GRIN3B: variants seen among roughly 807,000 people sequenced by gnomAD.
GRIN3B encodes the protein glutamate receptor ionotropic, NMDA 3B.
In GRIN3B, 77 loss-of-function variants were observed where a neutral mutation model predicts 66.0. That is an observed-to-expected ratio of 1.17 (90% confidence interval 0.97 to 1.41). GRIN3B has a LOEUF of 1.41. Ranked by LOEUF, GRIN3B falls within the 40% of genes most tolerant of loss-of-function variation. The pLI, the probability that GRIN3B is intolerant of heterozygous loss-of-function variation, is 0.00. For synonymous variants in GRIN3B, 823 were observed against 749.7 expected (o/e 1.10, Z -1.60); for missense variants, 1,787 against 1,564.5 (o/e 1.14, Z -2.40).
intron 1 of GRIN3B, 117 bp downstream of exon 1, chr19:1,000,980 C>A: frequency 8.8e-7 from 1 of 1,137,002 alleles, no homozygotes; most frequent in Non-Finnish European, 1.1e-6. Flanking sequence ...GAAGGGGGAT[C>A]CCGGGACGCT....
Position 1,005,675 on chromosome 19 carries a change from CAA to C in GRIN3B, c.2052+123_2052+124del. Reference sequence around the variant, plus strand: ...ACGTCCACTAGGCCAACTCTGGTCCCAAGAGACATTTATTCAATTAATTTATT... The same window carrying C: ...ACGTCCACTAGGCCAACTCTGGTCCCGAGACATTTATTCAATTAATTTATT... On this transcript the variant is annotated intron_variant, in intron 3 of 8. Transcript: ENST00000234389. The surrounding 1 kb of genome is among the most constrained non-coding windows in gnomAD (Gnocchi z 5.2). 2.8e-6 allele frequency: 2 copies of C among 718,004 alleles called. No individual in the cohort carries two copies. The highest frequency in any genetic ancestry group is 4.5e-6 in the Non-Finnish European group (2 of 446,298). The allele number at this position is 718,004 out of a possible 1,614,324, so 44.5% of individuals were successfully genotyped here.
In GRIN3B at chr19:1,003,515, C is replaced by G. The variant is rs947877973; in HGVS notation, c.812C>G (p.Thr271Ser). Residue 271 changes from threonine (T) to serine (S), a missense_variant, in exon 2 of 9, where the codon ACC (threonine) becomes AGC (serine). Transcript: ENST00000234389. ...GTPLPPKALP[T>S]AGLPPGLLAL... is the part of the protein sequence containing the mutation. ...CCACTGCCGCCCAAGGCCCTGCCCA[C>G]CGCGGGGCTGCCACCAGGGCTGCTG... is the stretch of plus-strand genomic sequence containing the variant. 6.5e-7 allele frequency: 1 copy of G among 1,531,970 alleles called. No individual in the cohort carries two copies. The allele number at this position is 1,531,970 out of a possible 1,614,324, so 94.9% of individuals were successfully genotyped here.
Position 1,007,070 on chromosome 19 carries a change from G to T in GRIN3B, c.2053-558G>T, listed in dbSNP as rs1435722496. On this transcript the variant is annotated intron_variant, in intron 3 of 8. Transcript: ENST00000234389. This position sits in a 1 kb window ranked among gnomAD's most constrained non-coding sequence, Gnocchi z 4.4. ...CCTGGGCTGGTCGAGGATGTTGATG[G>T]GGAAGGAGGCTGGGTTCGACGCTGG... Among the ~76,000 whole-genome samples the T allele has an allele frequency of 1.3e-5, 2 of 152,198 alleles. No homozygotes were observed. Among genetic ancestry groups the T allele is most frequent in the African/African-American group, 4.8e-5 (2 of 41,440 alleles).
chr19:1,002,987 G>C (rs531059930), intron 1 of GRIN3B, 143 bp from the exon 2 acceptor site: 1 of 561,090 alleles, frequency 1.8e-6, no homozygotes, highest in Non-Finnish European at 3.1e-6. Flanking sequence ...GAAGGGTTTA[G>C]AGCAGGGCTG....
chr19:1,006,601 G>A (rs935082553), intron 3 of GRIN3B, among the ~76,000 whole-genome samples: 2 of 152,090 alleles, frequency 1.3e-5, no homozygotes, highest in Non-Finnish European at 2.9e-5. Context: ...CATCGTGCCC[G>A]GCCTCCCCTT....
rs1199763457 is a variant in GRIN3B, at chr19:1,007,774, G to A, written c.2198+1G>A. The stretch of plus-strand genomic sequence containing the variant: ...CGCCCCGCGGCGTCGCCATGCTCAC[G>A]TGAGCCCGGGCGCGGGGTGAGGCGG... On this transcript the variant is annotated splice_donor_variant, in intron 4 of 8. Coordinates refer to ENST00000234389, the MANE Select transcript of GRIN3B (RefSeq NM_138690.3). LOFTEE classifies it high-confidence loss of function. This position sits in a 1 kb window ranked among gnomAD's most constrained non-coding sequence, Gnocchi z 4.4. 1 of 1,516,508 alleles carries A rather than the reference G, an allele frequency of 6.6e-7. No homozygotes were observed. Among genetic ancestry groups the A allele is most frequent in the South Asian group, 1.2e-5 (1 of 80,282 alleles). The allele number at this position is 1,516,508 out of a possible 1,614,324, so 93.9% of individuals were successfully genotyped here.
Position 1,008,742 on chromosome 19 carries a change from G to A in GRIN3B, c.2591G>A (p.Arg864His), listed in dbSNP as rs1468054301. The part of the protein sequence containing the change: ...AFFRLALPRI[R>H]KGSRLQYWLH... ...TTCCGCCTGGCGCTGCCGCGCATCC[G>A]CAAGGGGAGCAGGCTGCAGTACTGG... The change falls in exon 7 of 9, where the codon CGC becomes CAC. Residue 864 changes from arginine (R) to histidine (H), a missense_variant. Physicochemically the swap from Arg to His is conservative, Grantham distance 29. Coordinates refer to ENST00000234389, the MANE Select transcript of GRIN3B (RefSeq NM_138690.3). 1.9e-6 allele frequency: 3 copies of A among 1,607,070 alleles called. No homozygotes were observed. The highest frequency in any genetic ancestry group is 2.5e-6 in the Non-Finnish European group (3 of 1,177,528).
At position 1,004,505 on chromosome 19, in the gene GRIN3B, C is replaced by A. The variant is rs372886298; in HGVS notation, c.1020-16C>A. ...GTGAACTTCGACACCTGACACCCCCCCCGCCCTGCCCCTAGGTTCCTGGCC... is the reference window on the plus strand; with the variant it reads ...GTGAACTTCGACACCTGACACCCCCACCGCCCTGCCCCTAGGTTCCTGGCC... On this transcript the variant is annotated splice_polypyrimidine_tract_variant and intron_variant, in intron 2 of 8. Transcript: ENST00000234389. The A allele has an allele frequency of 5.8e-6, 9 of 1,558,878 alleles. No individual in the cohort carries two copies. Among genetic ancestry groups the A allele is most frequent in the Non-Finnish European group, 7.8e-6 (9 of 1,148,464 alleles).
Position 1,000,580 on chromosome 19 carries a change from T to TCGTCCG in GRIN3B, c.145_146insTCCGCG (p.Leu48_Ala49insValArg), listed in dbSNP as rs1049101165. On this transcript the variant is annotated inframe_insertion, in exon 1 of 9. Coordinates refer to ENST00000234389, the MANE Select transcript of GRIN3B (RefSeq NM_138690.3). Reference sequence around the variant, plus strand: ...GGCGCCCTCCTGCCCCGCGCGCCTCTCGCCCGCGCCCGCGCCCGCGCCGCC... The same window carrying TCGTCCG: ...GGCGCCCTCCTGCCCCGCGCGCCTCTCGTCCGCGCCCGCGCCCGCGCCCGCGCCGCC... 1 of 1,027,702 alleles carries TCGTCCG rather than the reference T, an allele frequency of 9.7e-7. No individual in the cohort carries two copies. Among genetic ancestry groups the TCGTCCG allele is most frequent in the Admixed American group, 5.8e-5 (1 of 17,160 alleles). 63.7% of individuals were successfully genotyped at this position (1,027,702 alleles called of 1,614,324 possible). A position where few individuals can be genotyped will look rare whatever the true frequency, so the allele number is the denominator to read the frequency against.
rs1472730869 is a variant in GRIN3B, at chr19:1,009,441, G to C, written c.2971G>C (p.Glu991Gln). Reference sequence around the variant, plus strand: ...GCTGCAGGAGCTGGAGCGCCGCATCGAAGTCGCGCGTGAGCGGCTCCGCCA... The same window carrying C: ...GCTGCAGGAGCTGGAGCGCCGCATCCAAGTCGCGCGTGAGCGGCTCCGCCA... ...GELQELERRI[E>Q]VARERLRQAL... The change falls in exon 9 of 9, where the codon GAA (glutamate) becomes CAA (glutamine). Residue 991 changes from glutamate to glutamine, a missense_variant. Physicochemically the swap from Glu to Gln is conservative, Grantham distance 29 (BLOSUM62 2). Transcript: ENST00000234389. 2 of 1,463,406 alleles carry C rather than the reference G, an allele frequency of 1.4e-6. No individual in the cohort carries two copies. The highest frequency in any genetic ancestry group is 2.5e-5 in the Admixed American group (1 of 40,306). 90.7% of individuals were successfully genotyped at this position (1,463,406 alleles called of 1,614,324 possible).
rs766363768 is a variant in GRIN3B, at chr19:1,004,911, T to C, written c.1410T>C (p.Arg470=). The change falls in exon 3 of 9, where the codon CGT becomes CGC. Residue 470 remains arginine, a synonymous_variant. Coordinates refer to ENST00000234389, the MANE Select transcript of GRIN3B (RefSeq NM_138690.3). ...CGCTGGCCAACGGCTCAGCGCCCCGTGCCCTGCGCAAGTGCTGCTACGGCT... is the reference window on the plus strand; with the variant it reads ...CGCTGGCCAACGGCTCAGCGCCCCGCGCCCTGCGCAAGTGCTGCTACGGCT... ...FAALANGSAP[R]ALRKCCYGYC... is the part of the protein sequence containing the mutation. The C allele has an allele frequency of 2.5e-6, 4 of 1,611,554 alleles. No individual in the cohort carries two copies. The South Asian group carries it at 4.4e-5, about 18-fold the overall frequency.
chr19:1,007,897 C>T lies in GRIN3B; in HGVS notation c.2240C>T (p.Ser747Leu), dbSNP rs146031397. The change falls in exon 5 of 9, where the codon TCG becomes TTG. Residue 747 changes from serine (S) to leucine (L), a missense_variant. Transcript: ENST00000234389. This position sits in a 1 kb window ranked among gnomAD's most constrained non-coding sequence, Gnocchi z 4.4. Reference protein sequence around the residue: ...PKLNAFIMDKSLLDYEVSIDA... With the variant: ...PKLNAFIMDKLLLDYEVSIDA... ...CTCAACGCCTTCATCATGGACAAGT[C>T]GCTCCTGGACTACGAGGTCTCCATC... 670 of 1,611,876 alleles carry T rather than the reference C, an allele frequency of 4.2e-4. 1 individual carries two copies. The African/African-American group carries it at 8.1e-3, about 19-fold the overall frequency.
In GRIN3B at chr19:1,003,405, G is replaced by A. The variant is rs201713033; in HGVS notation, c.702G>A (p.Ala234=). 12 of 1,552,952 alleles carry A rather than the reference G, an allele frequency of 7.7e-6. No homozygotes were observed. The highest frequency in any genetic ancestry group is 1.7e-4 in the Middle Eastern group (1 of 5,972). ...TGGGGGGTGAAGCACCGGTACCCGC[G>A]GCGGTCCTCCTCGGCTGTGACATCG... ...APVGGEAPVP[A]AVLLGCDIAR... Residue 234 remains alanine (A), a synonymous_variant, in exon 2 of 9, where the codon GCG becomes GCA. Coordinates refer to ENST00000234389, the MANE Select transcript of GRIN3B (RefSeq NM_138690.3).
Position 1,009,472 on chromosome 19 carries a change from T to TGGTGC in GRIN3B, c.3005_3009dup (p.Arg1004CysfsTer83). 5 of 1,484,266 alleles carry TGGTGC rather than the reference T, an allele frequency of 3.4e-6. No homozygotes were observed. In the South Asian group the frequency reaches 6.4e-5, roughly 19 times the overall value. The allele number at this position is 1,484,266 out of a possible 1,614,324, so 91.9% of individuals were successfully genotyped here. A position where few individuals can be genotyped will look rare whatever the true frequency, so the allele number is the denominator to read the frequency against. ...GCGCGTGAGCGGCTCCGCCAGGCCC[T>TGGTGC]GGTGCGGCGCGGCCAGCTCCTGGCA... On this transcript the variant is annotated frameshift_variant, in exon 9 of 9. Transcript: ENST00000234389. LOFTEE classifies it low-confidence loss of function (END_TRUNC).
chr19:1,008,471 C>G, intron 6 of GRIN3B, 147 bp from the exon 7 acceptor site: 2 of 1,053,618 alleles, frequency 1.9e-6, no homozygotes, highest in Non-Finnish European at 2.7e-6. Context: ...AAACCTCACT[C>G]CCCCCAGCCA....
intron 1 of GRIN3B, chr19:1,002,573 A>G (rs574937489): frequency 1.3e-5 from 2 of 152,072 alleles, no homozygotes; most frequent in Non-Finnish European, 2.9e-5. Flanking sequence ...TGTGAAGGGG[A>G]TGCTAGGGGA....
At position 1,008,843 on chromosome 19, in the gene GRIN3B, G is replaced by A. The variant is rs1429049309; in HGVS notation, c.2632-14G>A. ...CCCCGCCTCCTCGCCAACCGGGTCT[G>A]TCTGGGGTCTTAGAAAATCCACCGC... On this transcript the variant is annotated splice_polypyrimidine_tract_variant and intron_variant, in intron 7 of 8. Coordinates refer to ENST00000234389, the MANE Select transcript of GRIN3B (RefSeq NM_138690.3). 6.2e-7 allele frequency: 1 copy of A among 1,603,762 alleles called. No homozygotes were observed. Among genetic ancestry groups the A allele is most frequent in the Non-Finnish European group, 8.5e-7 (1 of 1,175,550 alleles).
Position 1,009,655 on chromosome 19 carries a change from C to G in GRIN3B, c.*53C>G. ...GACACACACACAGCGCAGTGAGCCG[C>G]TGTCAACAGACAGTTTATTCTATAT... is the stretch of plus-strand genomic sequence containing the variant. On this transcript the variant is annotated 3_prime_UTR_variant, in exon 9 of 9. Transcript: ENST00000234389. 7.7e-7 allele frequency: 1 copy of G among 1,303,052 alleles called. No homozygotes were observed. The allele number at this position is 1,303,052 out of a possible 1,614,324, so 80.7% of individuals were successfully genotyped here.
In GRIN3B at chr19:1,000,800, G is replaced by A; in HGVS notation, c.363G>A (p.Ala121=). 6.9e-7 allele frequency: 1 copy of A among 1,439,650 alleles called. No homozygotes were observed. Among genetic ancestry groups the A allele is most frequent in the Non-Finnish European group, 9.1e-7 (1 of 1,103,284 alleles). 89.2% of individuals were successfully genotyped at this position (1,439,650 alleles called of 1,614,324 possible). A position where few individuals can be genotyped will look rare whatever the true frequency, so the allele number is the denominator to read the frequency against. Reference sequence around the variant, plus strand: ...TGCTGCAGCTGCACTTCCTGGCGGCGGCCACCGAGACCCCCGTGCTCAGCC... The same window carrying A: ...TGCTGCAGCTGCACTTCCTGGCGGCAGCCACCGAGACCCCCGTGCTCAGCC... ...PELLQLHFLA[A]ATETPVLSLL... Residue 121 remains alanine, a synonymous_variant, in exon 1 of 9, where the codon GCG becomes GCA. Coordinates refer to ENST00000234389, the MANE Select transcript of GRIN3B (RefSeq NM_138690.3).
Sources: gnomAD v4.1 joint callset for allele counts (sites outside exome capture counted in the v4.1 genomes callset) on GRCh38, gnomAD v4.1.1 for gene constraint, Gnocchi (gnomAD v3.1) non-coding constraint, MANE v1.5 for transcripts, NCBI Gene and HGNC (gene_info 2026-07-23, HGNC 2026-07-21) for gene names.